The following VDAC1 variants were observed in gnomAD, a reference collection of about 807,000 sequenced individuals.
The protein encoded by VDAC1 is voltage dependent anion channel 1, also known as non-selective voltage-gated ion channel VDAC1.
In VDAC1, 10 loss-of-function variants were observed where a neutral mutation model predicts 34.7. The ratio of observed to expected loss-of-function variants is 0.29; its 90% CI spans 0.18 to 0.49. The LOEUF (loss-of-function observed/expected upper bound fraction) is 0.49, where lower values mean the gene tolerates loss of function less well. Ranked by LOEUF, VDAC1 falls within the 20% of genes least tolerant of loss-of-function variation. The probability of loss-of-function intolerance (pLI) is 0.99; values close to 1 mark genes in which losing one functional copy is unlikely to be tolerated. For synonymous variants in VDAC1, 130 were observed against 136.0 expected, an observed-to-expected ratio of 0.96 and a Z score of 0.30; for missense variants, 230 against 347.9, an observed-to-expected ratio of 0.66 and a Z score of 2.69.
the VDAC1 span, among the ~76,000 whole-genome samples, chr5:134,083,390 A>AT: frequency 1.3e-5 from 2 of 151,864 alleles, no homozygotes; most frequent in African/African-American, 4.8e-5. Flanking sequence ...GGGTTTCACT[A>AT]TGTTGGCCAG....
At chr5:134,087,921 G>T in the VDAC1 span, among the ~76,000 whole-genome samples, 53 of 151,488 alleles carry the variant, frequency 3.5e-4, no homozygotes, top group Non-Finnish European at 6.0e-4. Flanking sequence ...AGGCCAAGGC[G>T]GGCAGGTCAC....
the VDAC1 span, among the ~76,000 whole-genome samples, chr5:134,078,884 CA>C: frequency 6.6e-6 from 1 of 152,082 alleles, no homozygotes; most frequent in Admixed American, 6.5e-5. Context: ...CTCCTGACCT[CA>C]GATGATTTGC....
the VDAC1 span, among the ~76,000 whole-genome samples, chr5:134,092,004 C>T: frequency 6.6e-6 from 1 of 152,222 alleles, no homozygotes; most frequent in Non-Finnish European, 1.5e-5. Context: ...GTACTCAGGT[C>T]TCCTTTGCGC....
chr5:133,982,191 T>C (rs144260017), intron 5 of VDAC1, among the ~76,000 whole-genome samples: 28 of 152,266 alleles, frequency 1.8e-4, no homozygotes, highest in African/African-American at 6.7e-4. Flanking sequence ...CTGAAACATA[T>C]TAAACAGTAT....
chr5:134,044,510 C>T, the VDAC1 span, among the ~76,000 whole-genome samples: 1 of 152,202 alleles, frequency 6.6e-6, no homozygotes. Flanking sequence ...TTTCAGTTCC[C>T]TCAGTGGACA....
At chr5:133,975,494 T>C (rs1414482711) in intron 7 of VDAC1, among the ~76,000 whole-genome samples, 1 of 148,350 alleles carries the variant, frequency 6.7e-6, no homozygotes, top group Non-Finnish European at 1.5e-5. Context: ...AGAATCTCAC[T>C]CTGTCACCCA....
the VDAC1 span, among the ~76,000 whole-genome samples, chr5:134,080,095 TAG>T: frequency 3.3e-5 from 5 of 152,216 alleles, no homozygotes; most frequent in East Asian, 3.8e-4. Context: ...TGCATCCATG[TAG>T]AGAGGCCACA....
intron 1 of VDAC1, among the ~76,000 whole-genome samples, chr5:133,997,565 T>A (rs891723569): frequency 2.0e-5 from 3 of 148,522 alleles, no homozygotes; most frequent in Non-Finnish European, 4.5e-5. Flanking sequence ...AAAAAAAAAA[T>A]CACCCAGGTG....
chr5:133,988,966 C>A (rs1235045222), intron 5 of VDAC1: 3 of 152,274 alleles, frequency 2.0e-5, no homozygotes, highest in Non-Finnish European at 4.4e-5. Flanking sequence ...CATCCTATCC[C>A]AGGATCTTTC....
At chr5:133,974,718 C>T (rs1299470200) in intron 7 of VDAC1, among the ~76,000 whole-genome samples, 3 of 151,882 alleles carry the variant, frequency 2.0e-5, no homozygotes, top group Admixed American at 6.5e-5. Flanking sequence ...TTTGGGAGGC[C>T]GAGGCAGGCA....
the VDAC1 span, among the ~76,000 whole-genome samples, chr5:134,067,782 T>C: frequency 2.6e-5 from 4 of 152,076 alleles, no homozygotes; most frequent in Admixed American, 6.6e-5. Flanking sequence ...ATCAGTTCAC[T>C]TTCTGTTACA....
At chr5:133,972,952 C>T (rs1156681932) in intron 8 of VDAC1, 90 bp from the exon 9 acceptor site, 14 of 1,087,614 alleles carry the variant, frequency 1.3e-5, no homozygotes, top group East Asian at 7.3e-5. Flanking sequence ...GAACCTGTTC[C>T]AGGTATTATC....
At chr5:134,096,982 TG>T in the VDAC1 span, among the ~76,000 whole-genome samples, 1 of 152,264 alleles carries the variant, frequency 6.6e-6, no homozygotes, top group Non-Finnish European at 1.5e-5. Context: ...GTGGATTTCC[TG>T]GGACTTAGCC....
rs1007481014 is a variant in VDAC1 at position 133,976,766 on chromosome 5, G to A, written c.552-745C>T. Among the ~76,000 whole-genome samples the A allele has an allele frequency of 3.3e-5, 5 of 151,920 alleles. No individual in the cohort carries two copies. The East Asian group carries it at 5.8e-4, about 18-fold the overall frequency. ...TACCAGAAAAATGGCATGGAAGTCC[G>A]GGTGCAGTGGTTCATGCCTATAATC... On this transcript the variant is annotated intron_variant, in intron 6 of 8. Coordinates refer to ENST00000265333, the MANE Select transcript of VDAC1 (RefSeq NM_003374.3).
At chr5:134,013,866 C>T in the VDAC1 span, among the ~76,000 whole-genome samples, 17 of 152,034 alleles carry the variant, frequency 1.1e-4, no homozygotes, top group African/African-American at 3.9e-4. Context: ...CACTTGAATC[C>T]GGGAGGCGGA....
the VDAC1 span, among the ~76,000 whole-genome samples, chr5:134,077,432 C>CATGT: frequency 1.3e-5 from 2 of 152,166 alleles, no homozygotes; most frequent in African/African-American, 2.4e-5. Flanking sequence ...GAGCACCTAC[C>CATGT]ATGTGCCAGA....
At chr5:134,050,176 G>A in the VDAC1 span, among the ~76,000 whole-genome samples, 1 of 152,106 alleles carries the variant, frequency 6.6e-6, no homozygotes, top group Non-Finnish European at 1.5e-5. Flanking sequence ...TTGAACCTGG[G>A]AGGTGGAGGT....
the VDAC1 span, among the ~76,000 whole-genome samples, chr5:134,080,796 ATATT>A: frequency 6.6e-6 from 1 of 152,246 alleles, no homozygotes; most frequent in African/African-American, 2.4e-5. Flanking sequence ...TGAGCTATAC[ATATT>A]TAAAGTGTAT....
At position 133,979,050 on chromosome 5, in the gene VDAC1, T is replaced by C. The variant is rs114362664; in HGVS notation, c.551+1679A>G. The stretch of plus-strand genomic sequence containing the variant: ...ATAAATAAATACACAGGTGGAACTG[T>C]TCAAATTCATCTATATGAAGCACAA... On this transcript the variant is annotated intron_variant, in intron 6 of 8. Transcript: ENST00000265333. 3.0e-3 allele frequency among the ~76,000 whole-genome samples: 454 copies of C among 152,266 alleles called. 3 individuals carry two copies. Among genetic ancestry groups the C allele is most frequent in the African/African-American group, 0.01 (436 of 41,544 alleles).
Sources: gnomAD v4.1 joint callset for allele counts (sites outside exome capture counted in the v4.1 genomes callset) on GRCh38, gnomAD v4.1.1 for gene constraint, MANE v1.5 for transcripts, NCBI Gene and HGNC (gene_info 2026-07-23, HGNC 2026-07-21) for gene names.